Variants in DNMBP observed in about 807,000 individuals in gnomAD.
The protein encoded by DNMBP is dynamin binding protein.
DNMBP carries 87 observed loss-of-function variants against 150.0 expected under a neutral mutation model. The observed-to-expected ratio is 0.58, with a 90% confidence interval of 0.49 to 0.69. The LOEUF is 0.69. Ranked by LOEUF, DNMBP falls within the 30% of genes least tolerant of loss-of-function variation. DNMBP has a pLI of 0.00. For missense variants in DNMBP, 1,774 were observed against 1,949.0 expected, an observed-to-expected ratio of 0.91 and a Z score of 1.69; for synonymous variants, 711 against 750.4, an observed-to-expected ratio of 0.95 and a Z score of 0.86.
At chr10:99,921,722 G>A (rs1213144611) in intron 4 of DNMBP, among the ~76,000 whole-genome samples, 2 of 151,618 alleles carry the variant, frequency 1.3e-5, no homozygotes, top group African/African-American at 2.4e-5. Flanking sequence ...AAACGTAGCT[G>A]GGTGTGATGG....
intron 3 of DNMBP, among the ~76,000 whole-genome samples, chr10:99,959,056 C>A (rs1360306808): frequency 6.6e-6 from 1 of 152,276 alleles, no homozygotes; most frequent in African/African-American, 2.4e-5. Context: ...CACATTGCAA[C>A]AGATTGAATA....
At chr10:99,971,433 G>A (rs2040676034) in intron 2 of DNMBP, among the ~76,000 whole-genome samples, 1 of 151,448 alleles carries the variant, frequency 6.6e-6, no homozygotes, top group South Asian at 2.1e-4. Context: ...TGAACTCTTG[G>A]CCTCAAGCAA....
intron 4 of DNMBP, among the ~76,000 whole-genome samples, chr10:99,915,206 T>TACAC (rs1204738914): frequency 1.6e-5 from 2 of 122,806 alleles, no homozygotes; most frequent in Admixed American, 8.7e-5. Context: ...CACATATACA[T>TACAC]ATATACATAC....
chr10:99,989,729 G>T (rs2040866432), intron 1 of DNMBP, among the ~76,000 whole-genome samples: 1 of 151,964 alleles, frequency 6.6e-6, no homozygotes, highest in Non-Finnish European at 1.5e-5. Flanking sequence ...AGAAAAAACA[G>T]ACTTGAACCC....
chr10:99,881,045 G>A (rs2039359543), intron 15 of DNMBP, among the ~76,000 whole-genome samples: 1 of 152,148 alleles, frequency 6.6e-6, no homozygotes, highest in African/African-American at 2.4e-5. Flanking sequence ...GGCCAACATG[G>A]TGAAGCCCCG....
chr10:99,880,471 A>G, intron 15 of DNMBP, 110 bp from the exon 16 acceptor site: 2 of 1,381,570 alleles, frequency 1.4e-6, no homozygotes, highest in African/African-American at 1.5e-5. Context: ...TGTAAAATGA[A>G]GAGTAAAACA....
At chr10:99,955,078 A>G in intron 4 of DNMBP, 136 bp downstream of exon 4, 1 of 767,468 alleles carries the variant, frequency 1.3e-6, no homozygotes, top group South Asian at 2.0e-5. Context: ...AAAAAAGAAA[A>G]GAAATTAGGT....
At chr10:99,953,319 G>A (rs2133325319) in intron 4 of DNMBP, among the ~76,000 whole-genome samples, 1 of 150,874 alleles carries the variant, frequency 6.6e-6, no homozygotes, top group Admixed American at 6.6e-5. Context: ...GGCTGCTCTT[G>A]AACTCCTGGG....
In DNMBP at chr10:99,880,270, T is replaced by C; in HGVS notation, c.4089A>G (p.Thr1363=). The change falls in exon 16 of 17, where the codon ACA becomes ACG. Residue 1363 remains threonine, a synonymous_variant. Transcript: ENST00000324109. ...GGGAGGAGCTGCCGTGCTCAGACTCTGTGGAGGAGTGGCTACCCACGGAGG... is the reference window on the plus strand; with the variant it reads ...GGGAGGAGCTGCCGTGCTCAGACTCCGTGGAGGAGTGGCTACCCACGGAGG... ...SDASVGSHSS[T]ESEHGSSSPR... is the part of the protein sequence containing the mutation. The C allele has an allele frequency of 6.2e-7, 1 of 1,613,960 alleles. No homozygotes were observed. Among genetic ancestry groups the C allele is most frequent in the South Asian group, 1.1e-5 (1 of 91,064 alleles).
At chr10:99,902,605 C>A (rs1366303146) in intron 6 of DNMBP, among the ~76,000 whole-genome samples, 1 of 144,870 alleles carries the variant, frequency 6.9e-6, no homozygotes. Context: ...ACACCGCACC[C>A]GGCTGCCTCC....
chr10:99,917,170 A>T (rs2039973565), intron 4 of DNMBP, among the ~76,000 whole-genome samples: 2 of 152,214 alleles, frequency 1.3e-5, no homozygotes, highest in South Asian at 4.1e-4. Flanking sequence ...CAGCCTGGCT[A>T]ACATGGCGAA....
At chr10:99,892,004 G>A (rs1467626003) in intron 11 of DNMBP, among the ~76,000 whole-genome samples, 2 of 141,284 alleles carry the variant, frequency 1.4e-5, no homozygotes, top group Admixed American at 6.8e-5. Flanking sequence ...GAAGTGAGGA[G>A]CCCCTCTGCC....
chr10:99,896,770 T>C (rs1310378793), intron 9 of DNMBP, among the ~76,000 whole-genome samples: 1 of 152,248 alleles, frequency 6.6e-6, no homozygotes, highest in Non-Finnish European at 1.5e-5. Flanking sequence ...CCATCTTAAA[T>C]GGTGCCATAC....
At chr10:100,000,289 G>C (rs755171750) in intron 1 of DNMBP, among the ~76,000 whole-genome samples, 2 of 152,030 alleles carry the variant, frequency 1.3e-5, no homozygotes, top group African/African-American at 2.4e-5. Context: ...AGCATAACTC[G>C]GCACATCCAT....
intron 1 of DNMBP, among the ~76,000 whole-genome samples, chr10:99,978,529 A>G (rs1052220532): frequency 6.6e-6 from 1 of 152,118 alleles, no homozygotes; most frequent in African/African-American, 2.4e-5. Context: ...TTTCCCACCA[A>G]ACTCTGACAT....
At chr10:99,917,968 CAAAAAAAAAAA>C (rs749252887) in intron 4 of DNMBP, among the ~76,000 whole-genome samples, 1 of 52,262 alleles carries the variant, frequency 1.9e-5, no homozygotes, top group Non-Finnish European at 3.9e-5. Context: ...GACTCTGTCT[CAAAAAAAAAAA>C]AAAAAAAAAA....
At chr10:99,932,434 G>T (rs2040170173) in intron 4 of DNMBP, among the ~76,000 whole-genome samples, 1 of 152,174 alleles carries the variant, frequency 6.6e-6, no homozygotes, top group South Asian at 2.1e-4. Context: ...ATCAGTCAAA[G>T]CACATGTGTT....
chr10:99,983,625 C>T (rs935806642), intron 1 of DNMBP, among the ~76,000 whole-genome samples: 4 of 152,206 alleles, frequency 2.6e-5, no homozygotes, highest in African/African-American at 7.2e-5. Flanking sequence ...TCTTCAACAG[C>T]GGCCTCCTAC....
chr10:99,957,291 A>T, intron 3 of DNMBP, 86 bp from the exon 4 acceptor site: 3 of 1,198,202 alleles, frequency 2.5e-6, no homozygotes, highest in Non-Finnish European at 3.4e-6. Context: ...TCTCATTTTA[A>T]ACAGCTACCA....
Sources: allele counts gnomAD v4.1 joint callset (sites outside exome capture counted in the v4.1 genomes callset), GRCh38; gene constraint gnomAD v4.1.1; transcripts MANE v1.5; gene names NCBI Gene and HGNC (gene_info 2026-07-23, HGNC 2026-07-21).